The following CNTN6 variants were observed in gnomAD, a reference collection of about 807,000 sequenced individuals.
CNTN6 encodes the protein contactin 6.
Under a neutral mutation model 122.8 loss-of-function variants are expected in CNTN6, and 137 were observed. The ratio of observed to expected loss-of-function variants is 1.12; its 90% confidence interval spans 0.97 to 1.29. CNTN6 has a LOEUF of 1.29. CNTN6 is among the 50% of genes most tolerant of loss of function. The pLI, the probability that CNTN6 is intolerant of heterozygous loss-of-function variation, is 0.00. For missense variants in CNTN6, 1,634 were observed against 1,223.4 expected, an observed-to-expected ratio of 1.34 and a Z score of -5.01; for synonymous variants, 570 against 426.0, an observed-to-expected ratio of 1.34 and a Z score of -4.16.
At chr3:1,131,157 A>T (rs2092325807) in intron 1 of CNTN6, among the ~76,000 whole-genome samples, 1 of 152,140 alleles carries the variant, frequency 6.6e-6, no homozygotes. Context: ...ATGTCCTGGT[A>T]TTCCACCTGC....
rs771133835 is a variant in CNTN6 at position 1,154,448 on chromosome 3, C to CTTTTTTTTTTTTTTT, written c.55+6397_55+6398insTTTTTTTTTTTTTTT. On this transcript the variant is annotated intron_variant, in intron 2 of 22. Transcript: ENST00000446702. Reference sequence around the variant, plus strand: ...ATAATATTTTTCTTTTCTTTTCTTTCTTTTTTTTTTTTGAGGTGGAGTTTT... The same window carrying CTTTTTTTTTTTTTTT: ...ATAATATTTTTCTTTTCTTTTCTTTCTTTTTTTTTTTTTTTTTTTTTTTTTTTGAGGTGGAGTTTT... Among the ~76,000 whole-genome samples the CTTTTTTTTTTTTTTT allele has an allele frequency of 4.6e-4, 65 of 140,492 alleles. 2 individuals are homozygous for CTTTTTTTTTTTTTTT. The highest frequency in any genetic ancestry group is 5.2e-4 in the African/African-American group (19 of 36,338). 92.2% of individuals were successfully genotyped at this position (140,492 alleles called of 152,430 possible).
intron 20 of CNTN6, among the ~76,000 whole-genome samples, chr3:1,388,027 CAGCCAGGA>C (rs1175464313): frequency 6.6e-6 from 1 of 152,120 alleles, no homozygotes; most frequent in Non-Finnish European, 1.5e-5. Context: ...GTAAACAAAG[CAGCCAGGA>C]AGCTCCAACT....
At chr3:1,358,722 T>G (rs1260085046) in intron 12 of CNTN6, among the ~76,000 whole-genome samples, 3 of 151,982 alleles carry the variant, frequency 2.0e-5, no homozygotes, top group South Asian at 4.1e-4. Flanking sequence ...GAAGAAAATA[T>G]CATTTGTATT....
At chr3:1,335,668 T>C (rs1326418843) in intron 11 of CNTN6, among the ~76,000 whole-genome samples, 3 of 152,108 alleles carry the variant, frequency 2.0e-5, no homozygotes, top group Admixed American at 6.6e-5. Context: ...ACATACAAGC[T>C]ATCAACAATA....
At chr3:1,270,808 GTGACT>G (rs2095011717) in intron 4 of CNTN6, among the ~76,000 whole-genome samples, 1 of 152,174 alleles carries the variant, frequency 6.6e-6, no homozygotes, top group Non-Finnish European at 1.5e-5. Flanking sequence ...GTCTGTCTGG[GTGACT>G]TTCTAGATAG....
intron 8 of CNTN6, 71 bp from the exon 9 acceptor site, chr3:1,325,744 C>T: frequency 6.5e-7 from 1 of 1,532,278 alleles, no homozygotes; most frequent in Non-Finnish European, 8.9e-7. Context: ...TCTCTACAGC[C>T]CTTGTAATGT....
chr3:1,155,563 T>A (rs1219139110), intron 2 of CNTN6, among the ~76,000 whole-genome samples: 4 of 152,178 alleles, frequency 2.6e-5, no homozygotes, highest in African/African-American at 9.6e-5. Context: ...ACAGTTTGCT[T>A]AGACACACTT....
intron 5 of CNTN6, among the ~76,000 whole-genome samples, chr3:1,286,522 T>C (rs4065409): frequency 0.042 from 6,340 of 152,262 alleles, 501 homozygotes; most frequent in East Asian, 0.35. Context: ...GCAAAGGACA[T>C]GAACTCATCC....
At chr3:1,245,320 A>ATATGT (rs2094566921) in intron 4 of CNTN6, among the ~76,000 whole-genome samples, 1 of 30,092 alleles carries the variant, frequency 3.3e-5, no homozygotes, top group Non-Finnish European at 6.3e-5. Context: ...ATATATATAT[A>ATATGT]TATATATATA....
intron 2 of CNTN6, among the ~76,000 whole-genome samples, chr3:1,174,206 A>G (rs1187344761): frequency 6.6e-6 from 1 of 152,170 alleles, no homozygotes; most frequent in Non-Finnish European, 1.5e-5. Context: ...TCGCTTTTAC[A>G]GAGGCTTTAT....
intron 3 of CNTN6, 24 bp downstream of exon 3, chr3:1,220,837 A>G (rs1395024369): frequency 1.9e-6 from 3 of 1,576,492 alleles, no homozygotes; most frequent in Non-Finnish European, 2.6e-6. Flanking sequence ...TGTGGGCACC[A>G]CACTATTTTG....
At chr3:1,310,781 C>T (rs1297397560) in intron 7 of CNTN6, among the ~76,000 whole-genome samples, 1 of 152,076 alleles carries the variant, frequency 6.6e-6, no homozygotes. Flanking sequence ...GCGGGCAGAT[C>T]GCCTGAGGTC....
chr3:1,337,485 G>C lies in CNTN6; in HGVS notation c.1364+7550G>C, dbSNP rs989723795. Among the ~76,000 whole-genome samples, 20 of 152,092 alleles carry C rather than the reference G, an allele frequency of 1.3e-4. 2 individuals carry two copies. The highest frequency in any genetic ancestry group is 1.0e-3 in the Admixed American group (16 of 15,248). On this transcript the variant is annotated intron_variant, in intron 11 of 22. Coordinates refer to ENST00000446702, the MANE Select transcript of CNTN6 (RefSeq NM_001289080.2). ...CCATTATATAGCAACTGCAAAGCAGGCTTCTCTACCCCTTCCTCCTCTTTG... is the reference window on the plus strand; with the variant it reads ...CCATTATATAGCAACTGCAAAGCAGCCTTCTCTACCCCTTCCTCCTCTTTG...
intron 4 of CNTN6, among the ~76,000 whole-genome samples, chr3:1,256,023 C>T (rs1021706910): frequency 2.6e-5 from 4 of 151,902 alleles, no homozygotes; most frequent in Non-Finnish European, 4.4e-5. Flanking sequence ...CGTGTGCCAC[C>T]ATATCCGGCT....
intron 12 of CNTN6, among the ~76,000 whole-genome samples, chr3:1,359,459 T>C (rs1707131245): frequency 6.6e-6 from 1 of 152,098 alleles, no homozygotes; most frequent in Non-Finnish European, 1.5e-5. Context: ...TAATCTGGGG[T>C]TCTCAGTAGT....
chr3:1,118,427 C>T (rs2091816293), intron 1 of CNTN6, among the ~76,000 whole-genome samples: 1 of 152,148 alleles, frequency 6.6e-6, no homozygotes, highest in Non-Finnish European at 1.5e-5. Context: ...GTCCTGGTTT[C>T]ATAAATGAAG....
chr3:1,197,251 G>T (rs910410988), intron 2 of CNTN6, among the ~76,000 whole-genome samples: 2 of 152,154 alleles, frequency 1.3e-5, no homozygotes, highest in African/African-American at 4.8e-5. Flanking sequence ...CCTGGTTTCT[G>T]ATTAATCTTT....
At chr3:1,102,964 G>A (rs892287731) in intron 1 of CNTN6, among the ~76,000 whole-genome samples, 25 of 149,500 alleles carry the variant, frequency 1.7e-4, no homozygotes, top group East Asian at 9.9e-4. Context: ...GAAATTAGCC[G>A]GGCGTGGTGG....
rs183841876 is a variant in CNTN6 at position 1,102,038 on chromosome 3, C to T, written c.-83+8918C>T. 2.6e-5 allele frequency among the ~76,000 whole-genome samples: 4 copies of T among 152,200 alleles called. No individual in the cohort carries two copies. In the East Asian group the frequency reaches 5.8e-4, roughly 22 times the overall value. On this transcript the variant is annotated intron_variant, in intron 1 of 22. Coordinates refer to ENST00000446702, the MANE Select transcript of CNTN6 (RefSeq NM_001289080.2). The stretch of plus-strand genomic sequence containing the variant: ...TTTAAAATCCTTTTTTAAAAGTCTT[C>T]TTTTAAGGCGGGAAGGAGAGATCAA...
Sources: allele counts gnomAD v4.1 joint callset (sites outside exome capture counted in the v4.1 genomes callset), GRCh38; gene constraint gnomAD v4.1.1; transcripts MANE v1.5; gene names NCBI Gene and HGNC (gene_info 2026-07-23, HGNC 2026-07-21).